The following COG6 variants were observed in gnomAD, a reference collection of about 807,000 sequenced individuals.
COG6 encodes component of oligomeric golgi complex 6.
COG6 carries 74 observed loss-of-function variants against 88.8 expected under a neutral mutation model. That is an observed-to-expected ratio of 0.83 (90% confidence interval 0.69 to 1.01). The LOEUF is 1.01. Among genes scored for constraint, COG6 ranks in the 50% least tolerant of loss-of-function variants. The pLI, the probability that COG6 is intolerant of heterozygous loss-of-function variation, is 0.00. For missense variants in COG6, 800 were observed against 797.9 expected (o/e 1.00, Z -0.03); for synonymous variants, 286 against 278.7 (o/e 1.03, Z -0.26).
intron 18 of COG6, among the ~76,000 whole-genome samples, chr13:39,778,114 C>G (rs1333572990): frequency 6.6e-6 from 1 of 152,172 alleles, no homozygotes. Context: ...ATATTTTCCT[C>G]CCAGCCTAAA....
At chr13:39,673,260 A>T (rs1329751590) in intron 4 of COG6, among the ~76,000 whole-genome samples, 1 of 151,748 alleles carries the variant, frequency 6.6e-6, no homozygotes, top group Non-Finnish European at 1.5e-5. Flanking sequence ...TGTCATTTGT[A>T]TGTGCTTTAT....
chr13:39,666,909 C>T (rs569295833), intron 4 of COG6, among the ~76,000 whole-genome samples: 59 of 152,202 alleles, frequency 3.9e-4, no homozygotes, highest in African/African-American at 1.4e-3. Flanking sequence ...TTTCTTTACA[C>T]GTATAGGAAG....
At chr13:39,712,580 T>C (rs1371482501) in intron 13 of COG6, among the ~76,000 whole-genome samples, 5 of 152,218 alleles carry the variant, frequency 3.3e-5, no homozygotes, top group East Asian at 1.9e-4. Flanking sequence ...TAAGAAGATA[T>C]GTGCCTGAAA....
At chr13:39,662,990 A>T (rs142051996) in intron 3 of COG6, among the ~76,000 whole-genome samples, 18 of 152,016 alleles carry the variant, frequency 1.2e-4, no homozygotes, top group African/African-American at 4.1e-4. Context: ...TGACTATGGT[A>T]CCTTTTAGAA....
chr13:39,680,191 A>G, intron 7 of COG6, 146 bp downstream of exon 7: 3 of 594,144 alleles, frequency 5.0e-6, no homozygotes, highest in Middle Eastern at 4.5e-4. Context: ...TGGTTTTTAA[A>G]TTTTTACTTG....
chr13:39,713,004 A>G (rs1395674183), intron 13 of COG6, among the ~76,000 whole-genome samples: 1 of 152,202 alleles, frequency 6.6e-6, no homozygotes, highest in Non-Finnish European at 1.5e-5. Flanking sequence ...AAAAGTTCAC[A>G]TTTTCTTCAA....
At chr13:39,767,534 T>C (rs1008306829) in intron 18 of COG6, among the ~76,000 whole-genome samples, 1 of 152,154 alleles carries the variant, frequency 6.6e-6, no homozygotes, top group Non-Finnish European at 1.5e-5. Flanking sequence ...CAGGAAACAT[T>C]GTAGTTTATG....
intron 14 of COG6, 38 bp downstream of exon 14, chr13:39,719,405 T>C (rs768680546): frequency 1.9e-6 from 3 of 1,593,446 alleles, no homozygotes; most frequent in South Asian, 2.2e-5. Context: ...TGTTTTTTGC[T>C]CTTCTATTGT....
intron 18 of COG6, among the ~76,000 whole-genome samples, chr13:39,742,438 G>A (rs1880095658): frequency 1.3e-5 from 2 of 151,810 alleles, no homozygotes; most frequent in African/African-American, 4.8e-5. Flanking sequence ...AACAAAAAAA[G>A]GCAGGGGTTG....
chr13:39,708,909 G>A (rs556853654), intron 13 of COG6, among the ~76,000 whole-genome samples: 55 of 151,606 alleles, frequency 3.6e-4, no homozygotes, highest in Non-Finnish European at 6.8e-4. Context: ...TTTGTGCTGC[G>A]ATGCAGGTAT....
chr13:39,760,912 A>G (rs374779326), intron 18 of COG6, among the ~76,000 whole-genome samples: 3 of 152,100 alleles, frequency 2.0e-5, no homozygotes, highest in East Asian at 3.9e-4. Context: ...ATAACTTTAT[A>G]GAAAGTCTCA....
intron 1 of COG6, among the ~76,000 whole-genome samples, chr13:39,657,720 T>G (rs1874612258): frequency 6.6e-6 from 1 of 152,158 alleles, no homozygotes; most frequent in Non-Finnish European, 1.5e-5. Context: ...GAAATGTATA[T>G]CTGCAGAATT....
intron 3 of COG6, among the ~76,000 whole-genome samples, chr13:39,662,855 C>G (rs951819752): frequency 6.6e-6 from 1 of 151,962 alleles, no homozygotes; most frequent in Non-Finnish European, 1.5e-5. Flanking sequence ...TTCATAATAT[C>G]AACTCTAATG....
At chr13:39,726,240 G>C (rs781450806) in intron 17 of COG6, among the ~76,000 whole-genome samples, 77 of 151,834 alleles carry the variant, frequency 5.1e-4, no homozygotes, top group Non-Finnish European at 4.0e-4. Flanking sequence ...TATTAACTCA[G>C]AAAATTGTAA....
At chr13:39,661,137 C>A (rs548669784) in intron 3 of COG6, among the ~76,000 whole-genome samples, 1 of 152,176 alleles carries the variant, frequency 6.6e-6, no homozygotes, top group Admixed American at 6.5e-5. Flanking sequence ...TTTGATAAAC[C>A]TTTCAATTCC....
intron 1 of COG6, among the ~76,000 whole-genome samples, chr13:39,657,426 T>C (rs1457002638): frequency 6.6e-6 from 1 of 152,194 alleles, no homozygotes; most frequent in Non-Finnish European, 1.5e-5. Context: ...GTAATTTGCA[T>C]CTGAGTCTGT....
At chr13:39,763,111 C>T (rs951152709) in intron 18 of COG6, among the ~76,000 whole-genome samples, 2 of 151,700 alleles carry the variant, frequency 1.3e-5, no homozygotes, top group African/African-American at 4.8e-5. Context: ...TTAAATCACT[C>T]TTGCATTCCC....
intron 13 of COG6, among the ~76,000 whole-genome samples, chr13:39,711,500 T>C (rs920371977): frequency 3.7e-4 from 32 of 85,436 alleles, no homozygotes; most frequent in African/African-American, 1.1e-3. Flanking sequence ...GAGTCTAAGC[T>C]CTGCCCCTTC....
intron 15 of COG6, 40 bp from the exon 16 acceptor site, chr13:39,723,293 C>A: frequency 1.6e-6 from 2 of 1,288,594 alleles, no homozygotes; most frequent in South Asian, 1.2e-5. Context: ...TCATCAGTGT[C>A]ATTCTTCTTT....
Sources: gnomAD v4.1 joint callset for allele counts (sites outside exome capture counted in the v4.1 genomes callset) on GRCh38, gnomAD v4.1.1 for gene constraint, MANE v1.5 for transcripts, NCBI Gene and HGNC (gene_info 2026-07-23, HGNC 2026-07-21) for gene names.